Variants in BCAR3 observed in about 807,000 individuals in gnomAD.
The protein encoded by BCAR3 is breast cancer anti-estrogen resistance protein 3.
BCAR3 carries 37 observed loss-of-function variants against 80.1 expected under a neutral mutation model. The observed-to-expected ratio is 0.46, with a 90% CI of 0.36 to 0.61. BCAR3 has a LOEUF of 0.61. BCAR3 is among the 20% of genes least tolerant of loss of function. The pLI, the probability that BCAR3 is intolerant of heterozygous loss-of-function variation, is 0.00. For missense variants in BCAR3, 978 were observed against 1,068.2 expected, an observed-to-expected ratio of 0.92 and a Z score of 1.18; for synonymous variants, 389 against 418.9, an observed-to-expected ratio of 0.93 and a Z score of 0.87.
intron 2 of BCAR3, among the ~76,000 whole-genome samples, chr1:93,729,394 G>C (rs1336627721): frequency 6.6e-6 from 1 of 152,104 alleles, no homozygotes; most frequent in Non-Finnish European, 1.5e-5. Flanking sequence ...TACTGAAAGT[G>C]AGAAACAGAA....
At chr1:93,585,181 C>T in intron 5 of BCAR3, 1 of 985,518 alleles carries the variant, frequency 1.0e-6, no homozygotes. Context: ...CCTGTGAGCA[C>T]ACACCTTCGC....
upstream of BCAR3, chr1:93,847,216 A>T (rs541815306): frequency 2.4e-4 from 45 of 190,594 alleles, 4 homozygotes; most frequent in South Asian, 3.4e-3. Context: ...CGGCCGCCGG[A>T]GAGACCTGGT....
At chr1:93,835,296 T>C (rs1654722951) in intron 2 of BCAR3, among the ~76,000 whole-genome samples, 1 of 151,838 alleles carries the variant, frequency 6.6e-6, no homozygotes, top group Non-Finnish European at 1.5e-5. Flanking sequence ...GAAGCTGGAG[T>C]CATTCACTGC....
rs375550107 is a variant in BCAR3, at chr1:93,846,374, C to A, written c.-208-662G>T. 4.8e-3 allele frequency among the ~76,000 whole-genome samples: 733 copies of A among 152,290 alleles called. 7 individuals are homozygous for A. The highest frequency in any genetic ancestry group is 0.014 in the African/African-American group (579 of 41,566). On this transcript the variant is annotated intron_variant, in intron 1 of 13. Transcript: ENST00000370244. ...GGCCGCCCTGCGAATCCTCCGTAGG[C>A]GGGGCCGGGACTGCTGTGAGCTAAT...
chr1:93,589,391 C>G lies in BCAR3; in HGVS notation c.515G>C (p.Gly172Ala). The change falls in exon 5 of 12, where the codon GGT (glycine) becomes GCT (alanine). Residue 172 changes from glycine (G) to alanine (A), a missense_variant. By Grantham distance (60) the Gly-to-Ala change is moderately conservative. Coordinates refer to ENST00000260502, the MANE Select transcript of BCAR3 (RefSeq NM_003567.4). Reference sequence around the variant, plus strand: ...CAGAGAGTCACGAACTAGGAAGTCACCATCTCGCTGCACAAGGTTTTCAGA... The same window carrying G: ...CAGAGAGTCACGAACTAGGAAGTCAGCATCTCGCTGCACAAGGTTTTCAGA... ...QVSENLVQRD[G>A]DFLVRDSLSS... 6.2e-7 allele frequency: 1 copy of G among 1,612,876 alleles called. No homozygotes were observed. Among genetic ancestry groups the G allele is most frequent in the Non-Finnish European group, 8.5e-7 (1 of 1,179,924 alleles).
At chr1:93,671,053 C>T (rs187819910) in intron 2 of BCAR3, among the ~76,000 whole-genome samples, 4 of 152,206 alleles carry the variant, frequency 2.6e-5, no homozygotes, top group African/African-American at 4.8e-5. Context: ...AGTGCAGTGG[C>T]GTGATCTCAG....
intron 2 of BCAR3, among the ~76,000 whole-genome samples, chr1:93,840,633 A>G (rs1187505277): frequency 6.6e-6 from 1 of 152,136 alleles, no homozygotes; most frequent in East Asian, 1.9e-4. Context: ...TACTCCCCCA[A>G]ACTGGGTCAC....
At chr1:93,659,348 C>T (rs1475651195) in intron 2 of BCAR3, among the ~76,000 whole-genome samples, 1 of 151,966 alleles carries the variant, frequency 6.6e-6, no homozygotes, top group Admixed American at 6.6e-5. Flanking sequence ...CCATGCCTGG[C>T]TAATTTTTTT....
In BCAR3 at chr1:93,562,308, A is replaced by C. The variant is rs759641595; in HGVS notation, c.2411T>G (p.Phe804Cys). 2 of 1,613,952 alleles carry C rather than the reference A, an allele frequency of 1.2e-6. No individual in the cohort carries two copies. The highest frequency in any genetic ancestry group is 1.7e-6 in the Non-Finnish European group (2 of 1,179,990). Reference protein sequence around the residue: ...QVNQTERYEKFNQILTALSRK... With the variant: ...QVNQTERYEKCNQILTALSRK... ...CGAGAGGGCAGTTAAAATCTGGTTGAATTTCTCATATCTCTCTGTCTGATT... is the reference window on the plus strand; with the variant it reads ...CGAGAGGGCAGTTAAAATCTGGTTGCATTTCTCATATCTCTCTGTCTGATT... Residue 804 changes from phenylalanine to cysteine, a missense_variant, in exon 12 of 12, where the codon TTC (phenylalanine) becomes TGC (cysteine). By Grantham distance (205) the Phe-to-Cys change is radical. Transcript: ENST00000260502.
chr1:93,797,989 T>C (rs1401378672), intron 2 of BCAR3, among the ~76,000 whole-genome samples: 1 of 152,206 alleles, frequency 6.6e-6, no homozygotes, highest in African/African-American at 2.4e-5. Context: ...GTAAATGCCC[T>C]TGAGATCTAG....
intron 2 of BCAR3, among the ~76,000 whole-genome samples, chr1:93,832,158 A>C (rs769074969): frequency 1.3e-5 from 2 of 152,222 alleles, no homozygotes; most frequent in Non-Finnish European, 2.9e-5. Context: ...CTTCGCCTTC[A>C]AGGTGTACAA....
At chr1:93,728,220 TC>T (rs1178028287) in intron 2 of BCAR3, among the ~76,000 whole-genome samples, 1 of 152,176 alleles carries the variant, frequency 6.6e-6, no homozygotes, top group Non-Finnish European at 1.5e-5. Flanking sequence ...AATTCCTTTG[TC>T]CCCCTCGCAG....
chr1:93,569,022 C>T (rs185704534), intron 9 of BCAR3, among the ~76,000 whole-genome samples: 4 of 152,290 alleles, frequency 2.6e-5, no homozygotes. Context: ...CTCAGGGCCT[C>T]AATTTTCTTT....
At chr1:93,659,830 C>T (rs965183113) in intron 2 of BCAR3, among the ~76,000 whole-genome samples, 5 of 152,044 alleles carry the variant, frequency 3.3e-5, no homozygotes, top group Non-Finnish European at 7.4e-5. Flanking sequence ...TTCCCACCCC[C>T]ACCCACACAC....
At chr1:93,648,631 TTCC>T (rs765885896) in intron 2 of BCAR3, 13 of 152,322 alleles carry the variant, frequency 8.5e-5, no homozygotes, top group South Asian at 2.1e-4. Flanking sequence ...TTGCTTATAT[TTCC>T]TCCTACTTGT....
In BCAR3 at chr1:93,562,207, T is replaced by A; in HGVS notation, c.*34A>T. 3 of 1,577,792 alleles carry A rather than the reference T, an allele frequency of 1.9e-6. No individual in the cohort carries two copies. Among genetic ancestry groups the A allele is most frequent in the Non-Finnish European group, 2.6e-6 (3 of 1,159,562 alleles). ...TCCCAAAGATGAAGCTGGGGAAACT[T>A]GAAAAGATATTCTAAAGGTTCTCTG... On this transcript the variant is annotated 3_prime_UTR_variant, in exon 12 of 12. Transcript: ENST00000260502.
intron 3 of BCAR3, among the ~76,000 whole-genome samples, chr1:93,612,028 C>A (rs1674964791): frequency 6.6e-6 from 1 of 152,100 alleles, no homozygotes; most frequent in Non-Finnish European, 1.5e-5. Flanking sequence ...TTATGAGCAG[C>A]AAGATCTGGA....
chr1:93,611,092 T>G (rs1399110921), intron 3 of BCAR3, among the ~76,000 whole-genome samples: 1 of 152,146 alleles, frequency 6.6e-6, no homozygotes, highest in Non-Finnish European at 1.5e-5. Flanking sequence ...CAGACTCCAG[T>G]GAGACAAAGT....
intron 3 of BCAR3, among the ~76,000 whole-genome samples, chr1:93,620,173 A>C (rs1352320899): frequency 6.6e-6 from 1 of 151,982 alleles, no homozygotes; most frequent in Non-Finnish European, 1.5e-5. Flanking sequence ...GTGGACACCC[A>C]CCCATGCCAT....
Sources: gnomAD v4.1 joint callset for allele counts (sites outside exome capture counted in the v4.1 genomes callset) on GRCh38, gnomAD v4.1.1 for gene constraint, MANE v1.5 for transcripts, NCBI Gene and HGNC (gene_info 2026-07-23, HGNC 2026-07-21) for gene names.